ELOVL6: variants seen among roughly 807,000 people sequenced by gnomAD.
ELOVL6 encodes ELOVL fatty acid elongase 6.
Under a neutral mutation model 31.7 loss-of-function variants are expected in ELOVL6, and 8 were observed. The observed-to-expected ratio is 0.25, with a 90% confidence interval of 0.15 to 0.45. The LOEUF (loss-of-function observed/expected upper bound fraction) is 0.45, where lower values mean the gene tolerates loss of function less well. Ranked by LOEUF, ELOVL6 falls within the 20% of genes least tolerant of loss-of-function variation. The pLI, the probability that ELOVL6 is intolerant of heterozygous loss-of-function variation, is 1.00. For synonymous variants in ELOVL6, 101 were observed against 117.7 expected (o/e 0.86, Z 0.92); for missense variants, 126 against 326.4 (o/e 0.39, Z 4.73).
rs9030 is a variant in ELOVL6, at chr4:110,046,154, A to G, written c.*5184T>C. ...GTTAGGCTACTTCTGTGGCCTTCTT[A>G]GTTTTTGTCGATGGAAATAAAGTCT... is the stretch of plus-strand genomic sequence containing the variant. On this transcript the variant is annotated 3_prime_UTR_variant, in exon 4 of 4. Coordinates refer to ENST00000302274, the MANE Select transcript of ELOVL6 (RefSeq NM_024090.3). 60,706 of 151,950 alleles carry G rather than the reference A, an allele frequency of 0.4. 14,155 individuals carry two copies. The highest frequency in any genetic ancestry group is 0.65 in the African/African-American group (26,853 of 41,434). The allele number at this position is 151,950 out of a possible 1,614,324, so 9.4% of individuals were successfully genotyped here.
intron 1 of ELOVL6, among the ~76,000 whole-genome samples, chr4:110,195,244 A>C (rs1368654571): frequency 6.6e-6 from 1 of 152,108 alleles, no homozygotes; most frequent in Admixed American, 6.6e-5. Flanking sequence ...CAACCTCCCG[A>C]GTAGCTGGGA....
At chr4:110,054,940 C>T (rs943994781) in intron 3 of ELOVL6, among the ~76,000 whole-genome samples, 1 of 152,072 alleles carries the variant, frequency 6.6e-6, no homozygotes, top group South Asian at 2.1e-4. Flanking sequence ...CACATATGCA[C>T]GATGGTGGGT....
intron 1 of ELOVL6, among the ~76,000 whole-genome samples, chr4:110,183,312 T>C (rs1248426122): frequency 6.6e-6 from 1 of 152,120 alleles, no homozygotes; most frequent in African/African-American, 2.4e-5. Flanking sequence ...AATCAGAAAA[T>C]ATTTGAACCC....
At chr4:110,192,168 C>G (rs1313244622) in intron 1 of ELOVL6, among the ~76,000 whole-genome samples, 2 of 133,620 alleles carry the variant, frequency 1.5e-5, no homozygotes, top group Non-Finnish European at 3.1e-5. Context: ...CCAGCCTGGG[C>G]AACAAGGGCA....
chr4:110,143,408 G>A (rs1252540479), intron 1 of ELOVL6, among the ~76,000 whole-genome samples: 1 of 152,052 alleles, frequency 6.6e-6, no homozygotes, highest in Non-Finnish European at 1.5e-5. Flanking sequence ...TGAGAATAAG[G>A]TCAGAAAATT....
chr4:110,088,353 C>T (rs1044467898), intron 2 of ELOVL6, among the ~76,000 whole-genome samples: 7 of 152,160 alleles, frequency 4.6e-5, no homozygotes, highest in East Asian at 3.9e-4. Context: ...TCTTACCCAA[C>T]GGGGACACAT....
In ELOVL6 at chr4:110,198,527, C is replaced by A; in HGVS notation, c.-192G>T. Reference sequence around the variant, plus strand: ...CATCCAGGGCTGAGCATTGCCTGCGCCTCCGCTCCCAGCTCCTCTCTCTGG... The same window carrying A: ...CATCCAGGGCTGAGCATTGCCTGCGACTCCGCTCCCAGCTCCTCTCTCTGG... On this transcript the variant is annotated 5_prime_UTR_variant, in exon 1 of 4. Transcript: ENST00000302274. The A allele has an allele frequency of 1.8e-6, 1 of 545,122 alleles. No homozygotes were observed. The highest frequency in any genetic ancestry group is 3.2e-5 in the East Asian group (1 of 31,484). 33.8% of individuals were successfully genotyped at this position (545,122 alleles called of 1,614,324 possible).
At chr4:110,084,588 ATT>A (rs1168880044) in intron 2 of ELOVL6, among the ~76,000 whole-genome samples, 41 of 29,646 alleles carry the variant, frequency 1.4e-3, no homozygotes, top group South Asian at 2.6e-3. Flanking sequence ...ATATATATAT[ATT>A]TTTTTTTTTT....
chr4:110,092,820 C>CAG (rs397957084), intron 2 of ELOVL6, among the ~76,000 whole-genome samples: 2 of 151,856 alleles, frequency 1.3e-5, no homozygotes, highest in African/African-American at 4.8e-5. Flanking sequence ...CACACACACA[C>CAG]GTGCACACAT....
chr4:110,163,550 C>T (rs944744518), intron 1 of ELOVL6, among the ~76,000 whole-genome samples: 4 of 152,110 alleles, frequency 2.6e-5, no homozygotes, highest in Non-Finnish European at 1.5e-5. Context: ...ATGGACTGAC[C>T]GCATAGTGTA....
chr4:110,130,356 T>A (rs1451233286), intron 1 of ELOVL6, among the ~76,000 whole-genome samples: 1 of 152,196 alleles, frequency 6.6e-6, no homozygotes, highest in Non-Finnish European at 1.5e-5. Context: ...ATATTTAAAG[T>A]GACATTTGTA....
At chr4:110,192,502 A>G (rs1759654402) in intron 1 of ELOVL6, among the ~76,000 whole-genome samples, 1 of 152,248 alleles carries the variant, frequency 6.6e-6, no homozygotes, top group African/African-American at 2.4e-5. Flanking sequence ...TCTGAAGATC[A>G]CAAAATTTTA....
At chr4:110,160,375 C>A (rs1758598292) in intron 1 of ELOVL6, among the ~76,000 whole-genome samples, 1 of 152,318 alleles carries the variant, frequency 6.6e-6, no homozygotes, top group Non-Finnish European at 1.5e-5. Flanking sequence ...GGCCCACCCA[C>A]CCCTGACTTC....
intron 1 of ELOVL6, among the ~76,000 whole-genome samples, chr4:110,142,562 T>A (rs183723132): frequency 2.6e-5 from 4 of 152,286 alleles, no homozygotes; most frequent in Admixed American, 2.6e-4. Context: ...GAAAAAACAG[T>A]TAAATGAATG....
chr4:110,163,468 T>C (rs951000696), intron 1 of ELOVL6, among the ~76,000 whole-genome samples: 9 of 152,346 alleles, frequency 5.9e-5, no homozygotes, highest in Middle Eastern at 3.4e-3. Context: ...GCCTTGTGCC[T>C]GGAACAGAGT....
rs775793959 is a variant in ELOVL6, at chr4:110,051,623, A to G, written c.513T>C (p.Tyr171=). 5.0e-6 allele frequency: 8 copies of G among 1,614,102 alleles called. 1 individual carries two copies. The Admixed American group carries it at 5.0e-5, about 10-fold the overall frequency. ...AGGGWFMTMN[Y]GVHAVMYSYY... is the part of the protein sequence containing the mutation. ...AAGAGTACATCACGGCGTGCACGCC[A>G]TAGTTCATAGTCATGAACCAACCTC... Residue 171 remains tyrosine (Y), a synonymous_variant, in exon 4 of 4, where the codon TAT becomes TAC. Transcript: ENST00000302274. The surrounding 1 kb of genome is among the most constrained non-coding windows in gnomAD (Gnocchi z 4.8).
chr4:110,168,650 C>T (rs1758850081), intron 1 of ELOVL6, among the ~76,000 whole-genome samples: 1 of 152,100 alleles, frequency 6.6e-6, no homozygotes, highest in East Asian at 1.9e-4. Context: ...AAAATATCAC[C>T]TTTGAAAATG....
chr4:110,067,937 A>T (rs980946537), intron 2 of ELOVL6, among the ~76,000 whole-genome samples: 2 of 152,176 alleles, frequency 1.3e-5, no homozygotes, highest in African/African-American at 4.8e-5. Flanking sequence ...TTTTTAATTT[A>T]AAAAAATGAT....
chr4:110,134,632 G>T (rs1485229544), intron 1 of ELOVL6, among the ~76,000 whole-genome samples: 1 of 152,100 alleles, frequency 6.6e-6, no homozygotes, highest in Non-Finnish European at 1.5e-5. Flanking sequence ...TGCAGAGAAT[G>T]AAGACATTTG....
Sources: gnomAD v4.1 joint callset for allele counts (sites outside exome capture counted in the v4.1 genomes callset) on GRCh38, gnomAD v4.1.1 for gene constraint, Gnocchi (gnomAD v3.1) non-coding constraint, MANE v1.5 for transcripts, NCBI Gene and HGNC (gene_info 2026-07-23, HGNC 2026-07-21) for gene names.